DIP2C: variants seen among roughly 807,000 people sequenced by gnomAD.
DIP2C encodes the protein disco-interacting protein 2 homolog C.
A neutral mutation model predicts 192.4 loss-of-function variants in DIP2C; 33 were observed. The observed-to-expected ratio is 0.17, with a 90% CI of 0.13 to 0.23. The LOEUF is 0.23. Ranked by LOEUF, DIP2C falls within the 10% of genes least tolerant of loss-of-function variation. The pLI is 1.00. For missense variants in DIP2C, 1,537 were observed against 2,110.1 expected, an observed-to-expected ratio of 0.73 and a Z score of 5.32; for synonymous variants, 979 against 864.1, an observed-to-expected ratio of 1.13 and a Z score of -2.33.
chr10:625,055 C>T lies in DIP2C; in HGVS notation c.85+64439G>A, dbSNP rs574646978. Among the ~76,000 whole-genome samples the T allele has an allele frequency of 2.6e-5, 4 of 152,308 alleles. No homozygotes were observed. The South Asian group carries it at 8.3e-4, about 32-fold the overall frequency. ...GAGCTGCCCAGCCCTCCTGGAGCCG[C>T]ACTATGGGCACCGTCATTTTAGACG... On this transcript the variant is annotated intron_variant, in intron 1 of 36. Transcript: ENST00000280886.
intron 1 of DIP2C, among the ~76,000 whole-genome samples, chr10:584,571 G>A (rs1482423643): frequency 6.0e-4 from 45 of 74,810 alleles, no homozygotes; most frequent in African/African-American, 1.9e-3. Context: ...CTCGGGGCCC[G>A]CGACCTGACC....
intron 1 of DIP2C, among the ~76,000 whole-genome samples, chr10:605,059 G>A (rs1373146500): frequency 6.6e-6 from 1 of 152,208 alleles, no homozygotes; most frequent in African/African-American, 2.4e-5. Flanking sequence ...TGCAACCTTG[G>A]AGTTTACAGA....
rs201520642 is a variant in DIP2C at position 542,815 on chromosome 10, G to A, written c.86-56285C>T. ...AGATCCCAGTTCTTATCAGATTGGG[G>A]AGTGGGGGGTTCTGACCCTCCCCCC... On this transcript the variant is annotated intron_variant, in intron 1 of 36. Coordinates refer to ENST00000280886, the MANE Select transcript of DIP2C (RefSeq NM_014974.3). Among the ~76,000 whole-genome samples the A allele has an allele frequency of 1.3e-4, 20 of 151,400 alleles. No homozygotes were observed. The East Asian group carries it at 3.7e-3, about 28-fold the overall frequency.
At chr10:484,220 T>C (rs1460872165) in intron 2 of DIP2C, among the ~76,000 whole-genome samples, 1 of 152,252 alleles carries the variant, frequency 6.6e-6, no homozygotes, top group African/African-American at 2.4e-5. Context: ...AACTCCCTTT[T>C]TGCATCATGA....
intron 1 of DIP2C, among the ~76,000 whole-genome samples, chr10:496,426 T>A (rs1252410974): frequency 6.6e-6 from 1 of 150,456 alleles, no homozygotes; most frequent in Non-Finnish European, 1.5e-5. Context: ...CCCTCCCGTG[T>A]ACTTAAAATC....
rs376659234 is a variant in DIP2C, at chr10:544,726, ATCTT to A, written c.86-58200_86-58197del. On this transcript the variant is annotated intron_variant, in intron 1 of 36. Coordinates refer to ENST00000280886, the MANE Select transcript of DIP2C (RefSeq NM_014974.3). ...CATGTGCTTTTTAAGGCATTTATGTATCTTTCTTTGGAGAATGTCTATTCAAATC... is the reference window on the plus strand; with the variant it reads ...CATGTGCTTTTTAAGGCATTTATGTATCTTTGGAGAATGTCTATTCAAATC... 1.6e-4 allele frequency among the ~76,000 whole-genome samples: 25 copies of A among 152,314 alleles called. No individual in the cohort carries two copies. In the East Asian group the frequency reaches 3.9e-3, roughly 23 times the overall value.
At chr10:375,498 G>C (rs1403490901) in intron 17 of DIP2C, among the ~76,000 whole-genome samples, 2 of 152,156 alleles carry the variant, frequency 1.3e-5, no homozygotes, top group Non-Finnish European at 2.9e-5. Flanking sequence ...CAACAAAAAG[G>C]AAAGAAGCAG....
intron 24 of DIP2C, among the ~76,000 whole-genome samples, chr10:354,485 A>G (rs1958978586): frequency 6.6e-6 from 1 of 152,142 alleles, no homozygotes; most frequent in Non-Finnish European, 1.5e-5. Context: ...CTGATGGTAC[A>G]TGTTGCCCAT....
intron 1 of DIP2C, among the ~76,000 whole-genome samples, chr10:614,020 C>CA (rs1309685365): frequency 6.6e-6 from 1 of 152,226 alleles, no homozygotes; most frequent in Non-Finnish European, 1.5e-5. Context: ...CCAGTGCCTG[C>CA]ATTCAACGTC....
chr10:424,382 T>TTTTTTTTTTTTTTTG (rs1388302720), intron 4 of DIP2C, among the ~76,000 whole-genome samples: 10 of 101,362 alleles, frequency 9.9e-5, no homozygotes, highest in Admixed American at 1.1e-4. Flanking sequence ...TTTTTTTTTT[T>TTTTTTTTTTTTTTTG]TGAGACAGAG....
intron 10 of DIP2C, among the ~76,000 whole-genome samples, chr10:396,492 G>A (rs1431457089): frequency 6.6e-6 from 1 of 152,198 alleles, no homozygotes; most frequent in Non-Finnish European, 1.5e-5. Flanking sequence ...TAAATGTTTT[G>A]TGTCTGGTTA....
intron 1 of DIP2C, among the ~76,000 whole-genome samples, chr10:589,111 C>CA (rs1177006348): frequency 6.6e-6 from 1 of 152,126 alleles, no homozygotes; most frequent in African/African-American, 2.4e-5. Flanking sequence ...CAGATGCTTT[C>CA]AGGCCACCCT....
At chr10:325,469 AG>A (rs949340263) in intron 31 of DIP2C, among the ~76,000 whole-genome samples, 12 of 152,294 alleles carry the variant, frequency 7.9e-5, no homozygotes, top group Admixed American at 7.8e-4. Flanking sequence ...TAAGAGACAA[AG>A]CCAGAAGCAG....
chr10:291,914 G>A (rs947727695), intron 32 of DIP2C, among the ~76,000 whole-genome samples: 8 of 152,236 alleles, frequency 5.3e-5, no homozygotes, highest in African/African-American at 1.7e-4. Context: ...GAGCCAGAGG[G>A]GAGCAGGAGG....
chr10:555,251 C>T (rs117271383), intron 1 of DIP2C, among the ~76,000 whole-genome samples: 10 of 151,942 alleles, frequency 6.6e-5, no homozygotes, highest in Non-Finnish European at 1.3e-4. Flanking sequence ...AGGAGGTTCA[C>T]GGGCTCTTCT....
intron 3 of DIP2C, among the ~76,000 whole-genome samples, chr10:454,249 A>T (rs1364872318): frequency 1.3e-5 from 2 of 152,244 alleles, no homozygotes; most frequent in Non-Finnish European, 2.9e-5. Flanking sequence ...TGCAGCATTG[A>T]ATAAATCACT....
At chr10:324,031 C>T (rs1957151328) in intron 31 of DIP2C, among the ~76,000 whole-genome samples, 1 of 152,174 alleles carries the variant, frequency 6.6e-6, no homozygotes, top group Admixed American at 6.5e-5. Flanking sequence ...TGGACTCTCG[C>T]CCGCACGACT....
At chr10:472,234 A>G (rs964681015) in intron 3 of DIP2C, among the ~76,000 whole-genome samples, 2 of 152,252 alleles carry the variant, frequency 1.3e-5, no homozygotes, top group Non-Finnish European at 2.9e-5. Flanking sequence ...AATAGTAGCC[A>G]ACATGGGCTT....
intron 32 of DIP2C, among the ~76,000 whole-genome samples, chr10:299,881 G>C (rs916709849): frequency 1.3e-5 from 2 of 152,102 alleles, no homozygotes; most frequent in African/African-American, 4.8e-5. Flanking sequence ...CTCTAAAGAA[G>C]GTATACAAAT....
Sources: allele counts gnomAD v4.1 joint callset (sites outside exome capture counted in the v4.1 genomes callset), GRCh38; gene constraint gnomAD v4.1.1; transcripts MANE v1.5; gene names NCBI Gene and HGNC (gene_info 2026-07-23, HGNC 2026-07-21).